Variants in CCDC33 observed in about 807,000 individuals in gnomAD.
CCDC33 encodes the protein coiled-coil domain containing 33, also known as coiled-coil domain-containing protein 33.
CCDC33 carries 94 observed loss-of-function variants against 91.9 expected under a neutral mutation model. The ratio of observed to expected loss-of-function variants is 1.02; its 90% CI spans 0.87 to 1.21. The LOEUF is 1.21. CCDC33 is among the 50% of genes most tolerant of loss of function. The probability of loss-of-function intolerance (pLI) is 0.00; values close to 1 mark genes in which losing one functional copy is unlikely to be tolerated. For missense variants in CCDC33, 940 were observed against 935.5 expected, an observed-to-expected ratio of 1.00 and a Z score of -0.06; for synonymous variants, 396 against 374.5, an observed-to-expected ratio of 1.06 and a Z score of -0.66.
At chr15:74,213,746 G>A (rs1344863490), upstream of CCDC33, among the ~76,000 whole-genome samples, 3 of 152,204 alleles carry the variant, frequency 2.0e-5, no homozygotes, top group Non-Finnish European at 4.4e-5. Context: ...CTCTGGCACT[G>A]TGGACTTGAA....
At chr15:74,308,982 G>T (rs2059942130) in intron 11 of CCDC33, among the ~76,000 whole-genome samples, 1 of 151,818 alleles carries the variant, frequency 6.6e-6, no homozygotes, top group Non-Finnish European at 1.5e-5. Context: ...GTATGTGGGT[G>T]GGGGGGCTCC....
rs1414823693 is a variant in CCDC33 at position 74,277,872 on chromosome 15, C to G, written c.760-2091C>G. 2.6e-5 allele frequency among the ~76,000 whole-genome samples: 4 copies of G among 152,322 alleles called. No individual in the cohort carries two copies. In the East Asian group the frequency reaches 7.7e-4, roughly 29 times the overall value. On this transcript the variant is annotated intron_variant, in intron 7 of 18. Coordinates refer to ENST00000398814, the MANE Select transcript of CCDC33 (RefSeq NM_025055.5). Reference sequence around the variant, plus strand: ...TCCCAGAAAGGGCAGCTAGCGTCTACTAAATAACCCTCTTCCAGGGTAGGA... The same window carrying G: ...TCCCAGAAAGGGCAGCTAGCGTCTAGTAAATAACCCTCTTCCAGGGTAGGA...
chr15:74,222,853 G>A (rs1435541916), intron 2 of CCDC33, among the ~76,000 whole-genome samples: 2 of 142,386 alleles, frequency 1.4e-5, no homozygotes, highest in African/African-American at 2.6e-5. Flanking sequence ...GCTCCAGGCC[G>A]GCGCTCTCCC....
At chr15:74,292,226 G>A (rs780203715) in intron 10 of CCDC33, among the ~76,000 whole-genome samples, 52 of 152,156 alleles carry the variant, frequency 3.4e-4, no homozygotes, top group Non-Finnish European at 5.9e-4. Flanking sequence ...GCTTGATTAG[G>A]AGGAGTTAGT....
rs758146764 is a variant in CCDC33, at chr15:74,333,971, G to A, written c.2025+4G>A. The A allele has an allele frequency of 3.7e-6, 6 of 1,612,874 alleles. No individual in the cohort carries two copies. The highest frequency in any genetic ancestry group is 5.1e-6 in the Non-Finnish European group (6 of 1,179,200). ...GATCCTGTCCCTGGAAAGCCAGGTG[G>A]GTGAGATGCAGGAGTTGATGAGGCT... On this transcript the variant is annotated splice_donor_region_variant and intron_variant, in intron 17 of 18. Transcript: ENST00000398814.
At chr15:74,216,265 A>G (rs543831657), upstream of CCDC33, among the ~76,000 whole-genome samples, 10 of 152,122 alleles carry the variant, frequency 6.6e-5, 1 homozygote, top group East Asian at 2.0e-4. Flanking sequence ...CCCTCTCCCC[A>G]AAATGGCCAT....
At chr15:74,310,763 C>A (rs1237498461) in intron 11 of CCDC33, among the ~76,000 whole-genome samples, 5 of 152,114 alleles carry the variant, frequency 3.3e-5, no homozygotes, top group Admixed American at 2.0e-4. Flanking sequence ...GAGAAGGTTC[C>A]CATGGGGGAC....
At chr15:74,252,511 A>C (rs1332909979) in intron 2 of CCDC33, among the ~76,000 whole-genome samples, 4 of 152,046 alleles carry the variant, frequency 2.6e-5, no homozygotes, top group African/African-American at 9.7e-5. Flanking sequence ...GGCTATTTAC[A>C]CCCTCTGGTT....
chr15:74,215,354 T>G (rs1049164862), upstream of CCDC33, among the ~76,000 whole-genome samples: 1 of 152,124 alleles, frequency 6.6e-6, no homozygotes, highest in Non-Finnish European at 1.5e-5. Context: ...GAAAGTAGAA[T>G]GGTGGTTGCC....
At chr15:74,234,111 C>T (rs74763226), upstream of CCDC33, among the ~76,000 whole-genome samples, 1,914 of 152,322 alleles carry the variant, frequency 0.013, 42 homozygotes, top group African/African-American at 0.044. Flanking sequence ...TTCTTGCTGT[C>T]CAGCCAGCAA....
At chr15:74,325,989 C>A (rs891886434) in intron 11 of CCDC33, among the ~76,000 whole-genome samples, 2 of 152,166 alleles carry the variant, frequency 1.3e-5, no homozygotes, top group Non-Finnish European at 2.9e-5. Flanking sequence ...GTCACATCAT[C>A]ATATCTTCTG....
chr15:74,229,221 G>A (rs1251969610), intron 2 of CCDC33, among the ~76,000 whole-genome samples: 4 of 152,162 alleles, frequency 2.6e-5, no homozygotes, highest in Admixed American at 6.5e-5. Flanking sequence ...AGCTGGGGGC[G>A]GTGGCTCACG....
intron 5 of CCDC33, among the ~76,000 whole-genome samples, chr15:74,269,666 G>A: frequency 6.6e-6 from 1 of 152,178 alleles, no homozygotes; most frequent in South Asian, 2.1e-4. Flanking sequence ...CTGTGGAGCT[G>A]CCCCACCCCA....
At chr15:74,243,907 T>C (rs2075428815) in intron 1 of CCDC33, 78 bp from the exon 2 acceptor site, 2 of 1,485,958 alleles carry the variant, frequency 1.3e-6, no homozygotes, top group Non-Finnish European at 1.8e-6. Flanking sequence ...ATGGCACCAC[T>C]GCACTCCAGC....
At chr15:74,211,822 C>A (rs1484543668) in intron 2 of CCDC33, among the ~76,000 whole-genome samples, 1 of 152,050 alleles carries the variant, frequency 6.6e-6, no homozygotes, top group East Asian at 1.9e-4. Context: ...CTGACTCAGT[C>A]TCCCTCCTTT....
chr15:74,301,178 A>C (rs2059788156), intron 11 of CCDC33: 1 of 151,574 alleles, frequency 6.6e-6, no homozygotes, highest in African/African-American at 2.4e-5. Context: ...TCTGCCCTCC[A>C]CTCTCTGGGC....
At chr15:74,234,164 G>A (rs1566955807), upstream of CCDC33, among the ~76,000 whole-genome samples, 1 of 152,196 alleles carries the variant, frequency 6.6e-6, no homozygotes, top group Non-Finnish European at 1.5e-5. Flanking sequence ...CCAGCCTCAG[G>A]GGCTTGCCCC....
In CCDC33 at chr15:74,217,458, T is replaced by C. The variant is rs532594447; in HGVS notation, c.187T>C (p.Leu63=). Reference sequence around the variant, plus strand: ...GGTGGGCTCTGGGGCTGGGGTGCAGTTGCAAGTGAATGATGGGGACCCCTT... The same window carrying C: ...GGTGGGCTCTGGGGCTGGGGTGCAGCTGCAAGTGAATGATGGGGACCCCTT... Residue 63 remains leucine (L), a synonymous_variant, in exon 1 of 3, where the codon TTG becomes CTG. Coordinates refer to the CCDC33 transcript ENST00000635913. 6.1e-4 allele frequency: 789 copies of C among 1,289,570 alleles called. 12 individuals are homozygous for C. In the South Asian group the frequency reaches 7.9e-3, roughly 13 times the overall value. 79.9% of individuals were successfully genotyped at this position (1,289,570 alleles called of 1,614,324 possible). A position where few individuals can be genotyped will look rare whatever the true frequency, so the allele number is the denominator to read the frequency against.
intron 2 of CCDC33, among the ~76,000 whole-genome samples, chr15:74,210,295 C>T (rs1171843237): frequency 6.6e-6 from 1 of 152,222 alleles, no homozygotes; most frequent in Non-Finnish European, 1.5e-5. Context: ...ACCCCAATAT[C>T]CATCCATCAA....
Sources: gnomAD v4.1 joint callset for allele counts (sites outside exome capture counted in the v4.1 genomes callset) on GRCh38, gnomAD v4.1.1 for gene constraint, MANE v1.5 for transcripts, NCBI Gene and HGNC (gene_info 2026-07-23, HGNC 2026-07-21) for gene names.